AP1S3: variants seen among roughly 807,000 people sequenced by gnomAD.
The protein encoded by AP1S3 is AP-1 complex subunit sigma-3.
A neutral mutation model predicts 20.9 loss-of-function variants in AP1S3; 10 were observed. The observed-to-expected ratio is 0.48, with a 90% CI of 0.29 to 0.81. The LOEUF is 0.81. Among genes scored for constraint, AP1S3 ranks in the 30% least tolerant of loss-of-function variants. The pLI, the probability that AP1S3 is intolerant of heterozygous loss-of-function variation, is 0.08. For missense variants in AP1S3, 154 were observed against 183.8 expected, an observed-to-expected ratio of 0.84 and a Z score of 0.94; for synonymous variants, 41 against 61.5, an observed-to-expected ratio of 0.67 and a Z score of 1.56.
intron 4 of AP1S3, among the ~76,000 whole-genome samples, chr2:223,759,477 T>C (rs530088669): frequency 2.0e-5 from 3 of 152,214 alleles, no homozygotes; most frequent in Non-Finnish European, 4.4e-5. Context: ...GCATCTTTAT[T>C]ATACATATTG....
At chr2:223,772,490 G>A (rs1402309298) in intron 3 of AP1S3, among the ~76,000 whole-genome samples, 1 of 152,204 alleles carries the variant, frequency 6.6e-6, no homozygotes, top group African/African-American at 2.4e-5. Flanking sequence ...ACTGTAGTCT[G>A]TAATGCAGAA....
chr2:223,764,215 G>A (rs1026131318), intron 4 of AP1S3, among the ~76,000 whole-genome samples: 12 of 152,208 alleles, frequency 7.9e-5, no homozygotes, highest in Middle Eastern at 6.8e-3. Flanking sequence ...CACCGCATCC[G>A]GCCAAATGCT....
intron 3 of AP1S3, among the ~76,000 whole-genome samples, chr2:223,771,550 T>C (rs1690627211): frequency 6.6e-6 from 1 of 152,170 alleles, no homozygotes; most frequent in African/African-American, 2.4e-5. Context: ...TTTCAAATGG[T>C]AGAAACTATC....
intron 1 of AP1S3, among the ~76,000 whole-genome samples, chr2:223,813,863 T>C (rs1420536777): frequency 6.6e-6 from 1 of 152,120 alleles, no homozygotes; most frequent in South Asian, 2.1e-4. Context: ...GAAACCCCAA[T>C]GAGGCCAAAA....
Position 223,756,490 on chromosome 2 carries a change from G to A in AP1S3, c.*2225C>T, listed in dbSNP as rs202076752. 2.2e-6 allele frequency: 2 copies of A among 919,832 alleles called. No individual in the cohort carries two copies. The highest frequency in any genetic ancestry group is 2.6e-6 in the Non-Finnish European group (2 of 772,772). The allele number at this position is 919,832 out of a possible 1,614,324, so 57.0% of individuals were successfully genotyped here. A position where few individuals can be genotyped will look rare whatever the true frequency, so the allele number is the denominator to read the frequency against. On this transcript the variant is annotated 3_prime_UTR_variant, in exon 5 of 5. Transcript: ENST00000396654. Reference sequence around the variant, plus strand: ...GAAAAGAAAGAAAGAAAGAAAAAAAGAAAGAAAAAATTCTAACACATTAAA... The same window carrying A: ...GAAAAGAAAGAAAGAAAGAAAAAAAAAAAGAAAAAATTCTAACACATTAAA...
chr2:223,765,370 C>T lies in AP1S3; in HGVS notation c.292-20G>A, dbSNP rs893444184. On this transcript the variant is annotated intron_variant, in intron 3 of 4. Transcript: ENST00000396654. ...ACAGACCTGGTGGGACAAAAACAAA[C>T]GTTTTGATAAACTTGCAGTTGTATC... 30 of 1,589,316 alleles carry T rather than the reference C, an allele frequency of 1.9e-5. No homozygotes were observed. Among genetic ancestry groups the T allele is most frequent in the Non-Finnish European group, 2.4e-5 (28 of 1,170,576 alleles).
intron 1 of AP1S3, among the ~76,000 whole-genome samples, chr2:223,808,504 T>G (rs1467195782): frequency 3.3e-5 from 5 of 152,184 alleles, no homozygotes; most frequent in Non-Finnish European, 5.9e-5. Flanking sequence ...CACTTTTATG[T>G]TAGAAAGTTG....
intron 1 of AP1S3, among the ~76,000 whole-genome samples, chr2:223,831,725 TG>T (rs1692262045): frequency 6.6e-6 from 1 of 152,140 alleles, no homozygotes; most frequent in South Asian, 2.1e-4. Context: ...GGAGAAACAC[TG>T]GCTATCGTAA....
At chr2:223,802,427 C>A (rs1185581890) in intron 1 of AP1S3, among the ~76,000 whole-genome samples, 3 of 151,912 alleles carry the variant, frequency 2.0e-5, no homozygotes, top group African/African-American at 4.8e-5. Flanking sequence ...CTCAACCTCC[C>A]GAGTAGCTGG....
At chr2:223,828,649 G>C (rs1000612054) in intron 1 of AP1S3, among the ~76,000 whole-genome samples, 3 of 152,134 alleles carry the variant, frequency 2.0e-5, no homozygotes, top group Non-Finnish European at 4.4e-5. Context: ...AAGAATGTGA[G>C]CTCCGTGCAA....
intron 1 of AP1S3, among the ~76,000 whole-genome samples, chr2:223,780,300 TATATATATAGAGAG>T (rs1302236240): frequency 7.7e-4 from 41 of 52,938 alleles, no homozygotes; most frequent in African/African-American, 8.8e-4. Context: ...TATATATATA[TATATATATAGAGAG>T]AGAGAGAGAG....
At chr2:223,770,167 TGAAAG>T in intron 3 of AP1S3, 1 of 1,547,462 alleles carries the variant, frequency 6.5e-7, no homozygotes, top group Non-Finnish European at 8.7e-7. Context: ...TCCATGTACA[TGAAAG>T]AAGGTATGAG....
chr2:223,756,150 CA>C lies in AP1S3; in HGVS notation c.*2564del. On this transcript the variant is annotated 3_prime_UTR_variant, in exon 5 of 5. Transcript: ENST00000396654. ...GGTCGGCGTTCAAGACCAGCCTGACCAACATGGAGAAATCCCAACTCTACCA... is the reference window on the plus strand; with the variant it reads ...GGTCGGCGTTCAAGACCAGCCTGACCACATGGAGAAATCCCAACTCTACCA... The C allele has an allele frequency of 1.8e-6, 1 of 540,914 alleles. No individual in the cohort carries two copies. The highest frequency in any genetic ancestry group is 2.4e-6 in the Non-Finnish European group (1 of 424,264). 33.5% of individuals were successfully genotyped at this position (540,914 alleles called of 1,614,324 possible).
chr2:223,821,278 C>T (rs1691981608), intron 1 of AP1S3, among the ~76,000 whole-genome samples: 1 of 152,208 alleles, frequency 6.6e-6, no homozygotes, highest in African/African-American at 2.4e-5. Context: ...GCCTTAGCCT[C>T]CTGAATAGCT....
At chr2:223,828,150 A>AGGT (rs991882391) in intron 1 of AP1S3, among the ~76,000 whole-genome samples, 10 of 150,580 alleles carry the variant, frequency 6.6e-5, no homozygotes, top group Non-Finnish European at 1.5e-4. Flanking sequence ...AATATGTTCC[A>AGGT]GGTGCCAGGC....
chr2:223,764,985 A>C, intron 4 of AP1S3: 1 of 521,012 alleles, frequency 1.9e-6, no homozygotes, highest in South Asian at 4.5e-5. Flanking sequence ...TGAGCAGGTC[A>C]TTTAACCTCT....
At chr2:223,776,247 C>T in intron 2 of AP1S3, 1 of 593,514 alleles carries the variant, frequency 1.7e-6, no homozygotes, top group South Asian at 1.6e-5. Context: ...CAAAATTTTA[C>T]CTTGAAGAGC....
chr2:223,770,890 G>A (rs950772133), intron 3 of AP1S3, among the ~76,000 whole-genome samples: 1 of 151,698 alleles, frequency 6.6e-6, no homozygotes, highest in African/African-American at 2.4e-5. Context: ...ACCATGCCTG[G>A]CTAATTTTTT....
chr2:223,832,131 CTCTCTGTGTGTGTGTGTGTGTGTGTG>C (rs1487859003), intron 1 of AP1S3, among the ~76,000 whole-genome samples: 1,660 of 114,736 alleles, frequency 0.014, 20 homozygotes, highest in Non-Finnish European at 0.02. Context: ...AAGGAGTTTT[CTCTCTGTGTGTGTGTGTGTGTGTGTG>C]TGTGTGTGTG....
Sources: gnomAD v4.1 joint callset for allele counts (sites outside exome capture counted in the v4.1 genomes callset) on GRCh38, gnomAD v4.1.1 for gene constraint, MANE v1.5 for transcripts, NCBI Gene and HGNC (gene_info 2026-07-23, HGNC 2026-07-21) for gene names.